RARB: variants seen among roughly 807,000 people sequenced by gnomAD.
The protein encoded by RARB is HBV-activated protein.
RARB carries 17 observed loss-of-function variants against 51.9 expected under a neutral mutation model. That is an observed-to-expected ratio of 0.33 (90% CI 0.22 to 0.49). RARB has a LOEUF of 0.49. Among genes scored for constraint, RARB ranks in the 20% least tolerant of loss-of-function variants. The pLI is 0.99. For synonymous variants in RARB, 215 were observed against 195.4 expected (o/e 1.10, Z -0.84); for missense variants, 369 against 550.8 (o/e 0.67, Z 3.30).
chr3:25,594,838 T>TAAAA (rs3836380), intron 7 of RARB, among the ~76,000 whole-genome samples, 160 bp downstream of exon 7: 12 of 130,914 alleles, frequency 9.2e-5, no homozygotes, highest in African/African-American at 2.8e-4. Context: ...CTCCCCCCTC[T>TAAAA]AAAAAAAAAA....
At chr3:25,443,653 C>T (rs111406672) in intron 1 of RARB, among the ~76,000 whole-genome samples, 2,422 of 151,434 alleles carry the variant, frequency 0.016, 57 homozygotes, top group African/African-American at 0.055. Context: ...GCTAAAGGAC[C>T]GGTTGCGGTG....
chr3:25,466,693 T>C (rs1008579314), intron 2 of RARB, among the ~76,000 whole-genome samples: 1 of 152,232 alleles, frequency 6.6e-6, no homozygotes, highest in African/African-American at 2.4e-5. Flanking sequence ...ATTACCCTAG[T>C]ACAGAGGTTG....
chr3:25,048,785 T>TTG (rs1559447156), intron 2 of RARB, among the ~76,000 whole-genome samples: 2 of 139,662 alleles, frequency 1.4e-5, no homozygotes, highest in Non-Finnish European at 3.0e-5. Context: ...AGACGGAGTC[T>TTG]CGCTCTGTTG....
intron 3 of RARB, among the ~76,000 whole-genome samples, chr3:25,082,438 T>A (rs1194645202): frequency 6.6e-6 from 1 of 152,066 alleles, no homozygotes; most frequent in Admixed American, 6.5e-5. Context: ...TACCCCTTTA[T>A]ATTTTTGCAC....
chr3:25,291,255 A>G (rs1427954588), intron 5 of RARB, among the ~76,000 whole-genome samples: 1 of 152,194 alleles, frequency 6.6e-6, no homozygotes, highest in Non-Finnish European at 1.5e-5. Flanking sequence ...TCATTCTTGA[A>G]GATCAGTTCG....
rs563558012 is a variant in RARB, at chr3:25,563,459, T to C, written c.449-6299T>C. On this transcript the variant is annotated intron_variant, in intron 3 of 7. Coordinates refer to ENST00000330688, the MANE Select transcript of RARB (RefSeq NM_000965.5). ...ACTGGAATTCACATGGCAGGCACTT[T>C]ATTAGGAAAAAGACACAGTCCCCAC... Among the ~76,000 whole-genome samples the C allele has an allele frequency of 3.3e-5, 5 of 152,320 alleles. 1 individual carries two copies. The South Asian group carries it at 1.0e-3, about 32-fold the overall frequency.
chr3:25,180,412 G>C (rs1038179954), intron 5 of RARB, among the ~76,000 whole-genome samples: 1 of 152,206 alleles, frequency 6.6e-6, no homozygotes, highest in African/African-American at 2.4e-5. Flanking sequence ...TGAGTTGGCT[G>C]AGTTCATTAT....
At chr3:25,470,718 C>G (rs1367286707) in intron 2 of RARB, among the ~76,000 whole-genome samples, 1 of 152,204 alleles carries the variant, frequency 6.6e-6, no homozygotes, top group Non-Finnish European at 1.5e-5. Flanking sequence ...ACCATTTCCT[C>G]AGAGAAGCCT....
chr3:25,536,603 A>T (rs1436220583), intron 3 of RARB, among the ~76,000 whole-genome samples: 1 of 152,230 alleles, frequency 6.6e-6, no homozygotes, highest in East Asian at 1.9e-4. Flanking sequence ...AAACAAACAA[A>T]CAATCAACAA....
intron 5 of RARB, among the ~76,000 whole-genome samples, chr3:25,308,103 T>A (rs1013427313): frequency 1.3e-5 from 2 of 152,162 alleles, no homozygotes; most frequent in Admixed American, 1.3e-4. Flanking sequence ...CAGCAGTGAG[T>A]GCAAGAGTAG....
At chr3:25,205,919 C>T (rs1481286603) in intron 5 of RARB, among the ~76,000 whole-genome samples, 1 of 151,756 alleles carries the variant, frequency 6.6e-6, no homozygotes, top group Non-Finnish European at 1.5e-5. Flanking sequence ...AATTTTTTTT[C>T]TTCTACAAAA....
At chr3:25,033,115 T>G (rs976985754) in intron 2 of RARB, among the ~76,000 whole-genome samples, 2 of 152,232 alleles carry the variant, frequency 1.3e-5, no homozygotes, top group South Asian at 4.1e-4. Flanking sequence ...TTTTTGTTTT[T>G]AAAATGGAGA....
chr3:25,379,609 A>C (rs1706566133), intron 5 of RARB, among the ~76,000 whole-genome samples: 1 of 152,248 alleles, frequency 6.6e-6, no homozygotes, highest in Admixed American at 6.5e-5. Flanking sequence ...CAGCAAGTAC[A>C]CTTGGAAAAT....
intron 4 of RARB, among the ~76,000 whole-genome samples, chr3:25,166,109 C>T (rs1400813603): frequency 6.6e-6 from 1 of 152,140 alleles, no homozygotes; most frequent in Non-Finnish European, 1.5e-5. Flanking sequence ...CTCTAAATTA[C>T]TCTCTTCCAT....
In RARB at chr3:24,916,339, G is replaced by A. The variant is rs139221033; in HGVS notation, c.-380+57587G>A. 2.0e-5 allele frequency among the ~76,000 whole-genome samples: 3 copies of A among 152,246 alleles called. No individual in the cohort carries two copies. In the East Asian group the frequency reaches 5.8e-4, roughly 29 times the overall value. ...CTGATTTTCTTAAGGCCCCACAGAAGGGCATCAGGAGAGTAAGATTAACAT... is the reference window on the plus strand; with the variant it reads ...CTGATTTTCTTAAGGCCCCACAGAAAGGCATCAGGAGAGTAAGATTAACAT... On this transcript the variant is annotated intron_variant, in intron 2 of 11. Transcript: ENST00000383772.
At chr3:25,131,633 G>C (rs963004935) in intron 3 of RARB, among the ~76,000 whole-genome samples, 5 of 151,904 alleles carry the variant, frequency 3.3e-5, no homozygotes, top group African/African-American at 1.2e-4. Context: ...TTAGATTTCA[G>C]GAATCAAAAA....
chr3:25,078,218 A>C (rs1698914693), intron 3 of RARB, among the ~76,000 whole-genome samples: 1 of 152,086 alleles, frequency 6.6e-6, no homozygotes, highest in African/African-American at 2.4e-5. Flanking sequence ...AGGATACAAA[A>C]ATATTTTTGT....
At chr3:25,001,898 C>T (rs1697169507) in intron 2 of RARB, among the ~76,000 whole-genome samples, 1 of 152,056 alleles carries the variant, frequency 6.6e-6, no homozygotes, top group South Asian at 2.1e-4. Flanking sequence ...CCATTTCGGC[C>T]TCCCAAGTAG....
At chr3:25,374,230 A>C (rs1395011391) in intron 5 of RARB, among the ~76,000 whole-genome samples, 3 of 152,108 alleles carry the variant, frequency 2.0e-5, no homozygotes, top group Non-Finnish European at 4.4e-5. Flanking sequence ...CACTATGCTC[A>C]AACCAGGTAC....
Sources: gnomAD v4.1 joint callset for allele counts (sites outside exome capture counted in the v4.1 genomes callset) on GRCh38, gnomAD v4.1.1 for gene constraint, MANE v1.5 for transcripts, NCBI Gene and HGNC (gene_info 2026-07-23, HGNC 2026-07-21) for gene names.